Variants in EPG5 observed in about 807,000 individuals in gnomAD.
EPG5 encodes ectopic P granules protein 5 homolog.
Under a neutral mutation model 302.7 loss-of-function variants are expected in EPG5, and 159 were observed. The observed-to-expected ratio is 0.53, with a 90% CI of 0.46 to 0.60. The LOEUF (loss-of-function observed/expected upper bound fraction) is 0.60. EPG5 is among the 20% of genes least tolerant of loss of function. The pLI, the probability that EPG5 is intolerant of heterozygous loss-of-function variation, is 0.00. For synonymous variants in EPG5, 1,158 were observed against 1,136.8 expected (o/e 1.02, Z -0.37); for missense variants, 2,896 against 3,092.4 (o/e 0.94, Z 1.51).
At chr18:45,956,282 T>C (rs1352676934) in intron 1 of EPG5, among the ~76,000 whole-genome samples, 1 of 152,102 alleles carries the variant, frequency 6.6e-6, no homozygotes, top group Non-Finnish European at 1.5e-5. Context: ...AATGTGGTCA[T>C]GAAAGACAAG....
the EPG5 span, among the ~76,000 whole-genome samples, chr18:45,814,520 A>C: frequency 1.3e-5 from 2 of 152,242 alleles, no homozygotes; most frequent in South Asian, 4.1e-4. Context: ...AATAATGCAT[A>C]CATGTTAAAT....
At chr18:45,917,939 AT>A in intron 16 of EPG5, 120 bp from the exon 17 acceptor site, 2 of 918,016 alleles carry the variant, frequency 2.2e-6, no homozygotes, top group Admixed American at 2.9e-5. Flanking sequence ...CACATGTTTT[AT>A]ACCCAATCTT....
At chr18:45,927,205 T>G (rs1236436513) in intron 13 of EPG5, among the ~76,000 whole-genome samples, 5 of 151,776 alleles carry the variant, frequency 3.3e-5, no homozygotes, top group African/African-American at 1.2e-4. Context: ...GCTAATTTGT[T>G]TTTTTTTCCA....
At chr18:45,813,980 A>G in the EPG5 span, among the ~76,000 whole-genome samples, 274 of 152,298 alleles carry the variant, frequency 1.8e-3, no homozygotes, top group African/African-American at 6.3e-3. Context: ...AATCATCAAT[A>G]TATGTTAAAA....
chr18:45,928,998 G>A lies in EPG5; in HGVS notation c.2424C>T (p.Val808=), dbSNP rs376583998. 36 of 1,613,784 alleles carry A rather than the reference G, an allele frequency of 2.2e-5. No individual in the cohort carries two copies. The African/African-American group carries it at 2.5e-4, about 11-fold the overall frequency. ...AAAAAGTCTCTCTGGTAGACAAGGTGACATAAGATACCTAAATGGGGGGAA... is the reference window on the plus strand; with the variant it reads ...AAAAAGTCTCTCTGGTAGACAAGGTAACATAAGATACCTAAATGGGGGGAA... ...IVLEIYEVSY[V]TLSTRETFSK... The change falls in exon 13 of 44, where the codon GTC becomes GTT. Residue 808 remains valine, a synonymous_variant. Coordinates refer to ENST00000282041, the MANE Select transcript of EPG5 (RefSeq NM_020964.3).
intron 35 of EPG5, 93 bp from the exon 36 acceptor site, chr18:45,870,835 A>C (rs2145312800): frequency 8.7e-7 from 1 of 1,144,832 alleles, no homozygotes; most frequent in South Asian, 1.8e-5. Context: ...CTAAAATCTA[A>C]GGTTCTCATG....
In EPG5 at chr18:45,903,322, A is replaced by G. The variant is rs191804914; in HGVS notation, c.4474+651T>C. Among the ~76,000 whole-genome samples, 6 of 152,330 alleles carry G rather than the reference A, an allele frequency of 3.9e-5. No homozygotes were observed. The East Asian group carries it at 7.7e-4, about 20-fold the overall frequency. On this transcript the variant is annotated intron_variant, in intron 25 of 43. Coordinates refer to ENST00000282041, the MANE Select transcript of EPG5 (RefSeq NM_020964.3). ...TTGGAGGGAAAAATTTTAGAGCCTT[A>G]GAAGAAACCAGCCAGCACCATTTTA...
At chr18:45,934,266 G>C (rs539607644) in intron 11 of EPG5, among the ~76,000 whole-genome samples, 15 of 152,164 alleles carry the variant, frequency 9.9e-5, no homozygotes, top group African/African-American at 3.6e-4. Flanking sequence ...TCCAACCTGG[G>C]TGATAGAGTG....
At chr18:45,800,610 T>C in the EPG5 span, among the ~76,000 whole-genome samples, 24 of 152,204 alleles carry the variant, frequency 1.6e-4, no homozygotes, top group South Asian at 6.2e-4. Flanking sequence ...TATTGATCGA[T>C]AACTGCACAT....
At chr18:45,922,864 C>T (rs2050188884) in intron 15 of EPG5, among the ~76,000 whole-genome samples, 1 of 152,192 alleles carries the variant, frequency 6.6e-6, no homozygotes, top group Admixed American at 6.5e-5. Flanking sequence ...GAATAGTGTG[C>T]CGATAAATAA....
intron 15 of EPG5, 88 bp downstream of exon 15, chr18:45,923,180 G>T: frequency 7.2e-7 from 1 of 1,393,926 alleles, no homozygotes; most frequent in Non-Finnish European, 9.8e-7. Flanking sequence ...GATACCTAAT[G>T]GTCAATAGTA....
At chr18:45,925,957 TTAC>T in intron 13 of EPG5, 55 bp from the exon 14 acceptor site, 3 of 1,069,966 alleles carry the variant, frequency 2.8e-6, no homozygotes, top group Non-Finnish European at 3.7e-6. Context: ...CAATGCTATA[TTAC>T]TACAATATTA....
At chr18:45,942,224 C>CA (rs1036034833) in intron 9 of EPG5, among the ~76,000 whole-genome samples, 5 of 149,514 alleles carry the variant, frequency 3.3e-5, no homozygotes, top group Admixed American at 2.0e-4. Context: ...GACCCTGTCT[C>CA]AAAAAAAAAG....
downstream of EPG5, among the ~76,000 whole-genome samples, chr18:45,846,409 T>G (rs1460982578): frequency 6.7e-6 from 1 of 150,290 alleles, no homozygotes; most frequent in African/African-American, 2.5e-5. Context: ...TAATCCCAGC[T>G]ACTCGGGAGG....
At chr18:45,805,422 G>A in the EPG5 span, among the ~76,000 whole-genome samples, 2 of 66,118 alleles carry the variant, frequency 3.0e-5, no homozygotes, top group Non-Finnish European at 6.2e-5. Flanking sequence ...AAGAGCTTCT[G>A]TAAAAAAAAA....
At chr18:45,962,832 C>T (rs1308191206) in intron 1 of EPG5, among the ~76,000 whole-genome samples, 1 of 152,102 alleles carries the variant, frequency 6.6e-6, no homozygotes, top group Non-Finnish European at 1.5e-5. Flanking sequence ...CGAACTATAA[C>T]CAGCACTAAG....
intron 9 of EPG5, among the ~76,000 whole-genome samples, chr18:45,942,556 T>C (rs961509040): frequency 1.3e-5 from 2 of 151,912 alleles, no homozygotes; most frequent in African/African-American, 4.8e-5. Context: ...TGAGACGAGA[T>C]CGTGCCCACT....
chr18:45,958,192 T>C (rs1360322488), intron 1 of EPG5, among the ~76,000 whole-genome samples: 1 of 152,058 alleles, frequency 6.6e-6, no homozygotes, highest in Non-Finnish European at 1.5e-5. Context: ...TGCAACTTAA[T>C]TTATTTAAAT....
intron 42 of EPG5, 128 bp downstream of exon 42, chr18:45,857,725 T>C (rs2048544861): frequency 1.6e-6 from 1 of 628,720 alleles, no homozygotes. Context: ...TTTTTTTTTT[T>C]CCATTAATCT....
Sources: allele counts gnomAD v4.1 joint callset (sites outside exome capture counted in the v4.1 genomes callset), GRCh38; gene constraint gnomAD v4.1.1; transcripts MANE v1.5; gene names NCBI Gene and HGNC (gene_info 2026-07-23, HGNC 2026-07-21).